B4GALT5: variants seen among roughly 807,000 people sequenced by gnomAD.
B4GALT5 encodes UDP-Gal:beta-GlcNAc beta-1,4-galactosyltransferase 5.
B4GALT5 carries 11 observed loss-of-function variants against 45.0 expected under a neutral mutation model. The ratio of observed to expected loss-of-function variants is 0.24; its 90% confidence interval spans 0.15 to 0.40. The LOEUF is 0.40. Ranked by LOEUF, B4GALT5 falls within the 10% of genes least tolerant of loss-of-function variation. The pLI is 1.00. For synonymous variants in B4GALT5, 185 were observed against 182.9 expected (o/e 1.01, Z -0.09); for missense variants, 337 against 500.2 (o/e 0.67, Z 3.11).
rs568118867 is a variant in B4GALT5 at position 49,664,543 on chromosome 20, G to A, written c.116-7841C>T. Reference sequence around the variant, plus strand: ...CTGATCTGGACCAAAAAAAAGCAGGGGCTATTCTAGATTAGAGACATAACT... The same window carrying A: ...CTGATCTGGACCAAAAAAAAGCAGGAGCTATTCTAGATTAGAGACATAACT... On this transcript the variant is annotated intron_variant, in intron 1 of 8. Transcript: ENST00000371711. Among the ~76,000 whole-genome samples the A allele has an allele frequency of 2.6e-5, 4 of 151,012 alleles. No homozygotes were observed. The South Asian group carries it at 8.4e-4, about 32-fold the overall frequency.
chr20:49,686,877 T>A (rs1182367239), intron 1 of B4GALT5, among the ~76,000 whole-genome samples: 1 of 151,486 alleles, frequency 6.6e-6, no homozygotes, highest in African/African-American at 2.4e-5. Context: ...CCAGCCTGGG[T>A]GACACAGCGA....
chr20:49,687,767 C>T (rs966858593), intron 1 of B4GALT5, among the ~76,000 whole-genome samples: 1 of 152,060 alleles, frequency 6.6e-6, no homozygotes, highest in Non-Finnish European at 1.5e-5. Flanking sequence ...ACATAAGTAA[C>T]AATGCACATG....
chr20:49,659,762 C>A (rs1009976765), intron 1 of B4GALT5, among the ~76,000 whole-genome samples: 1 of 151,982 alleles, frequency 6.6e-6, no homozygotes, highest in Non-Finnish European at 1.5e-5. Context: ...GCAAAGAAAA[C>A]CTACTTTGGT....
chr20:49,696,831 G>A (rs966791071), intron 1 of B4GALT5, among the ~76,000 whole-genome samples: 5 of 152,132 alleles, frequency 3.3e-5, no homozygotes, highest in South Asian at 2.1e-4. Context: ...CTAATTAAAC[G>A]TGATTCATTC....
intron 1 of B4GALT5, among the ~76,000 whole-genome samples, chr20:49,699,666 C>G (rs1017644163): frequency 3.3e-5 from 5 of 152,126 alleles, no homozygotes; most frequent in African/African-American, 1.2e-4. Flanking sequence ...GGAAAATAAA[C>G]TTGGGGACCC....
At chr20:49,709,058 T>C (rs759281189) in intron 1 of B4GALT5, among the ~76,000 whole-genome samples, 7 of 152,198 alleles carry the variant, frequency 4.6e-5, no homozygotes, top group Non-Finnish European at 8.8e-5. Flanking sequence ...AACCTTGCCA[T>C]ATGATGGTAC....
chr20:49,642,278 C>T (rs1014802154), intron 5 of B4GALT5, among the ~76,000 whole-genome samples, 190 bp downstream of exon 5: 1 of 152,100 alleles, frequency 6.6e-6, no homozygotes, highest in Non-Finnish European at 1.5e-5. Flanking sequence ...TCAAGTGTGC[C>T]CAGTACTGGG....
At chr20:49,700,236 A>C (rs1231861219) in intron 1 of B4GALT5, among the ~76,000 whole-genome samples, 1 of 152,258 alleles carries the variant, frequency 6.6e-6, no homozygotes, top group Non-Finnish European at 1.5e-5. Context: ...TTTGGTTTGC[A>C]ACAAATATAA....
rs2085861999 is a variant in B4GALT5, at chr20:49,701,509, C to A, written c.115+12067G>T. ...AAAAACCCTGTGCACACATCACGCC[C>A]CTCCTAGTCATCTAGGGACCATCTT... On this transcript the variant is annotated intron_variant, in intron 1 of 8. Transcript: ENST00000371711. 2.6e-5 allele frequency among the ~76,000 whole-genome samples: 4 copies of A among 152,172 alleles called. No homozygotes were observed. The South Asian group carries it at 8.3e-4, about 32-fold the overall frequency.
At chr20:49,685,329 A>G (rs2085780767) in intron 1 of B4GALT5, among the ~76,000 whole-genome samples, 1 of 152,160 alleles carries the variant, frequency 6.6e-6, no homozygotes. Context: ...CTCAACTCAT[A>G]CCACAAACCC....
At chr20:49,646,862 G>T in intron 3 of B4GALT5, 103 bp downstream of exon 3, 1 of 676,276 alleles carries the variant, frequency 1.5e-6, no homozygotes, top group Non-Finnish European at 2.4e-6. Flanking sequence ...TCCAATGGCA[G>T]GGAGGTATTT....
intron 1 of B4GALT5, among the ~76,000 whole-genome samples, chr20:49,669,628 G>A (rs1488948238): frequency 2.0e-5 from 3 of 151,586 alleles, no homozygotes; most frequent in African/African-American, 2.4e-5. Context: ...CCTGGGAGGC[G>A]GATGTTGCAG....
intron 1 of B4GALT5, among the ~76,000 whole-genome samples, chr20:49,702,907 C>T (rs932928397): frequency 4.6e-5 from 7 of 151,818 alleles, no homozygotes; most frequent in African/African-American, 1.7e-4. Flanking sequence ...GGCGCGGTGG[C>T]TCACGCCTGT....
intron 3 of B4GALT5, among the ~76,000 whole-genome samples, chr20:49,644,591 C>T (rs1448167235): frequency 1.3e-5 from 2 of 152,208 alleles, no homozygotes; most frequent in Non-Finnish European, 2.9e-5. Context: ...ATAAATGCTA[C>T]TGAAACAATG....
At chr20:49,712,341 G>C (rs2085916597) in intron 1 of B4GALT5, among the ~76,000 whole-genome samples, 1 of 152,114 alleles carries the variant, frequency 6.6e-6, no homozygotes, top group Non-Finnish European at 1.5e-5. Flanking sequence ...ACAGGGCAGA[G>C]ATTGGAATCC....
rs558347641 is a variant in B4GALT5, at chr20:49,637,527, T to C, written c.918-85A>G. 3.4e-5 allele frequency: 33 copies of C among 971,330 alleles called. No individual in the cohort carries two copies. The East Asian group carries it at 6.5e-4, about 19-fold the overall frequency. The allele number at this position is 971,330 out of a possible 1,614,324, so 60.2% of individuals were successfully genotyped here. ...AAGCCTACAAGACATGTTACAAGCT[T>C]ACCCTGGAAATCACACACAGCAAAA... On this transcript the variant is annotated intron_variant, in intron 7 of 8. Transcript: ENST00000371711.
intron 2 of B4GALT5, among the ~76,000 whole-genome samples, chr20:49,653,127 T>G (rs1178655718): frequency 2.0e-5 from 3 of 152,278 alleles, no homozygotes; most frequent in African/African-American, 7.2e-5. Context: ...TTCAGATTTC[T>G]GATTTTTTAG....
chr20:49,686,572 T>C (rs144497783), intron 1 of B4GALT5, among the ~76,000 whole-genome samples: 583 of 151,984 alleles, frequency 3.8e-3, no homozygotes, highest in Non-Finnish European at 6.6e-3. Context: ...ACCCTAGAAT[T>C]TACCATCAAA....
chr20:49,697,755 T>C (rs1286695941), intron 1 of B4GALT5, among the ~76,000 whole-genome samples: 1 of 152,220 alleles, frequency 6.6e-6, no homozygotes, highest in African/African-American at 2.4e-5. Context: ...TTCACCTTTA[T>C]ATTTTTCATG....
Sources: gnomAD v4.1 joint callset for allele counts (sites outside exome capture counted in the v4.1 genomes callset) on GRCh38, gnomAD v4.1.1 for gene constraint, MANE v1.5 for transcripts, NCBI Gene and HGNC (gene_info 2026-07-23, HGNC 2026-07-21) for gene names.